The following XBP1 variants were observed in gnomAD, a reference collection of about 807,000 sequenced individuals.
XBP1 encodes the protein X-box binding protein 1, also known as X-box-binding protein 1.
Under a neutral mutation model 34.6 loss-of-function variants are expected in XBP1, and 18 were observed. The observed-to-expected ratio is 0.52, with a 90% CI of 0.36 to 0.77. The LOEUF (loss-of-function observed/expected upper bound fraction) is 0.77. XBP1 is among the 30% of genes least tolerant of loss of function. The probability of loss-of-function intolerance (pLI) is 0.00; values close to 1 mark genes in which losing one functional copy is unlikely to be tolerated. For missense variants in XBP1, 422 were observed against 464.6 expected (o/e 0.91, Z 0.84); for synonymous variants, 191 against 193.4 (o/e 0.99, Z 0.11).
chr22:28,798,846 G>A, intron 2 of XBP1: 1 of 316,562 alleles, frequency 3.2e-6, no homozygotes, highest in South Asian at 6.4e-5. Flanking sequence ...GTCTCAAACT[G>A]CTGGCTTCAA....
chr22:28,800,566 C>T, upstream of XBP1: 1 of 1,462,090 alleles, frequency 6.8e-7, no homozygotes, highest in Non-Finnish European at 9.0e-7. Context: ...CGCAGCCGCC[C>T]AGCGCCCAGC....
rs1340193413 is a variant in XBP1 at position 28,800,260 on chromosome 22, G to A, written c.227+38C>T. ...GCCCCTGCCCCTGTCCCTAGTCCCGGCTTCAGATCTGGCCCCAGACCCCGG... is the reference window on the plus strand; with the variant it reads ...GCCCCTGCCCCTGTCCCTAGTCCCGACTTCAGATCTGGCCCCAGACCCCGG... On this transcript the variant is annotated intron_variant, in intron 1 of 5. Transcript: ENST00000344347. The A allele has an allele frequency of 2.6e-6, 4 of 1,545,616 alleles. No homozygotes were observed. The Admixed American group carries it at 7.8e-5, about 30-fold the overall frequency.
At chr22:28,796,169 G>A (rs757230355) in exon 4 of XBP1, 24 of 1,583,100 alleles carry the variant, frequency 1.5e-5, no homozygotes, top group Middle Eastern at 1.7e-4. Context: ...CAGCAGACCC[G>A]GCCACTGGCC....
rs375488646 is a variant in XBP1, at chr22:28,797,555, TG to T, written c.325-351del. Among the ~76,000 whole-genome samples the T allele has an allele frequency of 7.2e-3, 1,099 of 152,110 alleles. 22 individuals are homozygous for T. The highest frequency in any genetic ancestry group is 0.025 in the African/African-American group (1,050 of 41,480). ...TAACACTTTGGGAGGCCAAGGCAGG[TG>T]GATCACCTGAGGTCAAGAGTTCAAA... On this transcript the variant is annotated intron_variant, in intron 2 of 5. Coordinates refer to ENST00000344347, the Ensembl canonical transcript of XBP1.
At chr22:28,795,441 G>T in exon 6 of XBP1, 1 of 1,599,718 alleles carries the variant, frequency 6.3e-7, no homozygotes, top group Non-Finnish European at 8.5e-7. Context: ...TTCTCTGAGG[G>T]GCTGAGAGGT....
chr22:28,795,901 C>A, intron 5 of XBP1, 146 bp downstream of exon 5: 1 of 1,251,016 alleles, frequency 8.0e-7, no homozygotes, highest in Non-Finnish European at 1.1e-6. Context: ...TCTATATTAC[C>A]TGGAACTAGG....
intron 2 of XBP1, among the ~76,000 whole-genome samples, chr22:28,798,470 G>A (rs990731394): frequency 1.3e-5 from 2 of 151,098 alleles, no homozygotes; most frequent in Non-Finnish European, 2.9e-5. Context: ...CACGACACCC[G>A]GCTAATTTTT....
exon 6 of XBP1, chr22:28,795,227 G>T: frequency 6.5e-7 from 1 of 1,543,028 alleles, no homozygotes. Context: ...GTCCTCCCAA[G>T]AATGGTTTAC....
At position 28,800,362 on chromosome 22, in the gene XBP1, G is replaced by C. The variant is rs1601439867; in HGVS notation, c.163C>G (p.Leu55Val). 9.1e-6 allele frequency: 14 copies of C among 1,543,550 alleles called. No individual in the cohort carries two copies. The African/African-American group carries it at 1.0e-4, about 11-fold the overall frequency. The change falls in exon 1 of 6, where the codon CTG (leucine) becomes GTG (valine). Residue 55 changes from leucine to valine, a missense_variant. By Grantham distance (32) the Leu-to-Val change is conservative (BLOSUM62 1). Around this residue, in one of 3 missense-constraint regions of XBP1, gnomAD observed 121 missense variants for 98.4 expected, o/e 1.23. Coordinates refer to ENST00000344347, the Ensembl canonical transcript of XBP1. The stretch of plus-strand genomic sequence containing the variant: ...CGCTGTCGCTTGCGCGCCTGGGGCA[G>C]CCCCCCGCTCGCTGCCTCCGGGCTG...
intron 2 of XBP1, among the ~76,000 whole-genome samples, chr22:28,797,915 C>G (rs1459911948): frequency 6.6e-6 from 1 of 151,950 alleles, no homozygotes; most frequent in Non-Finnish European, 1.5e-5. Context: ...AATCCCTGCT[C>G]CTGACTCATG....
intron 1 of XBP1, chr22:28,800,031 C>A (rs1173875604): frequency 1.3e-6 from 1 of 778,960 alleles, no homozygotes; most frequent in Admixed American, 1.7e-5. Context: ...AGACAGGTGC[C>A]CGCATCCCCA....
At chr22:28,799,733 G>T in intron 1 of XBP1, among the ~76,000 whole-genome samples, 1 of 152,120 alleles carries the variant, frequency 6.6e-6, no homozygotes, top group Non-Finnish European at 1.5e-5. Flanking sequence ...ATCACAGAAG[G>T]CACAATGATC....
upstream of XBP1, chr22:28,800,540 AC>A: frequency 6.8e-7 from 1 of 1,474,102 alleles, no homozygotes; most frequent in African/African-American, 1.5e-5. Context: ...CAGACTACGC[AC>A]CGCGCACCGC....
At chr22:28,797,080 G>A (rs2031764190) in exon 3 of XBP1, 1 of 1,605,592 alleles carries the variant, frequency 6.2e-7, no homozygotes, top group African/African-American at 1.3e-5. Context: ...GATTTACCTT[G>A]GCTTCCGCCT....
downstream of XBP1, chr22:28,795,070 T>C: frequency 9.0e-7 from 1 of 1,110,702 alleles, no homozygotes. Flanking sequence ...TCTAGGACTG[T>C]ATACTCTCTA....
chr22:28,799,952 T>C (rs767796007), intron 1 of XBP1: 6 of 779,040 alleles, frequency 7.7e-6, no homozygotes, highest in South Asian at 2.7e-5. Context: ...CAAAACAGAT[T>C]ATTCGACCTC....
rs71316865 is a variant in XBP1, at chr22:28,798,302, C to CTTTTT, written c.324+750_324+754dup. Reference sequence around the variant, plus strand: ...AACTCTCTGTCCTAACTTAGATTAACTTTTTTTTTTTTTTTGAGACAGGGT... The same window carrying CTTTTT: ...AACTCTCTGTCCTAACTTAGATTAACTTTTTTTTTTTTTTTTTTTTGAGACAGGGT... On this transcript the variant is annotated intron_variant, in intron 2 of 5. Coordinates refer to ENST00000344347, the Ensembl canonical transcript of XBP1. Among the ~76,000 whole-genome samples, 45 of 123,384 alleles carry CTTTTT rather than the reference C, an allele frequency of 3.6e-4. 3 individuals carry two copies. In the East Asian group the frequency reaches 0.013, roughly 35 times the overall value. 80.9% of individuals were successfully genotyped at this position (123,384 alleles called of 152,430 possible).
chr22:28,795,278 C>T (rs2031725344), exon 6 of XBP1: 2 of 1,551,830 alleles, frequency 1.3e-6, no homozygotes, highest in Non-Finnish European at 1.7e-6. Flanking sequence ...GGAAAGGGAA[C>T]CCCCGTATCC....
chr22:28,798,673 G>GAGTTAGGCA (rs2031796767), intron 2 of XBP1, among the ~76,000 whole-genome samples: 1 of 148,254 alleles, frequency 6.7e-6, no homozygotes, highest in African/African-American at 2.5e-5. Flanking sequence ...GCAGTGGTGC[G>GAGTTAGGCA]ATCTCAGCTC....
Sources: allele counts gnomAD v4.1 joint callset (sites outside exome capture counted in the v4.1 genomes callset), GRCh38; gene constraint gnomAD v4.1.1; regional missense constraint gnomAD v4.1.1; transcripts MANE v1.5; gene names NCBI Gene and HGNC (gene_info 2026-07-23, HGNC 2026-07-21).